CRY1: variants seen among roughly 807,000 people sequenced by gnomAD.
CRY1 encodes cryptochrome circadian regulator 1.
Under a neutral mutation model 76.0 loss-of-function variants are expected in CRY1, and 45 were observed. The ratio of observed to expected loss-of-function variants is 0.59; its 90% CI spans 0.47 to 0.76. The LOEUF (loss-of-function observed/expected upper bound fraction) is 0.76, where lower values mean the gene tolerates loss of function less well. CRY1 is among the 30% of genes least tolerant of loss of function. The probability of loss-of-function intolerance (pLI) is 0.00; values close to 1 mark genes in which losing one functional copy is unlikely to be tolerated. For synonymous variants in CRY1, 248 were observed against 244.0 expected (o/e 1.02, Z -0.15); for missense variants, 587 against 716.4 (o/e 0.82, Z 2.06).
chr12:107,026,160 T>TATATATATATTACATATATATATATAAA (rs1952611711), intron 1 of CRY1, among the ~76,000 whole-genome samples: 6 of 75,864 alleles, frequency 7.9e-5, no homozygotes, highest in East Asian at 1.2e-3. Context: ...ATATATAAAA[T>TATATATATATTACATATATATATATAAA]ATATATATAT....
intron 1 of CRY1, among the ~76,000 whole-genome samples, chr12:107,045,117 AC>A (rs574546300): frequency 2.5e-3 from 385 of 152,294 alleles, no homozygotes; most frequent in African/African-American, 8.6e-3. Context: ...AATTCTAAAA[AC>A]AGCAAGAGAA....
In CRY1 at chr12:107,002,099, C is replaced by A. The variant is rs1952318955; in HGVS notation, c.411-151G>T. 4 of 606,018 alleles carry A rather than the reference C, an allele frequency of 6.6e-6. No individual in the cohort carries two copies. In the South Asian group the frequency reaches 1.0e-4, roughly 15 times the overall value. 37.5% of individuals were successfully genotyped at this position (606,018 alleles called of 1,614,324 possible). A position where few individuals can be genotyped will look rare whatever the true frequency, so the allele number is the denominator to read the frequency against. ...TTGTTATAATGACCAAGAAATGTGT[C>A]CAAAATGATTAATGAGTCCAAAAAT... is the stretch of plus-strand genomic sequence containing the variant. On this transcript the variant is annotated intron_variant, in intron 3 of 12. Coordinates refer to ENST00000008527, the MANE Select transcript of CRY1 (RefSeq NM_004075.5).
intron 1 of CRY1, among the ~76,000 whole-genome samples, chr12:107,036,933 G>A (rs1005699022): frequency 6.6e-6 from 1 of 151,898 alleles, no homozygotes; most frequent in African/African-American, 2.4e-5. Flanking sequence ...TAGCATTCCT[G>A]AGCCCCCTTC....
At chr12:107,085,355 C>A (rs1260155529) in intron 1 of CRY1, among the ~76,000 whole-genome samples, 1 of 152,192 alleles carries the variant, frequency 6.6e-6, no homozygotes, top group African/African-American at 2.4e-5. Flanking sequence ...TATAATGACA[C>A]AGGCACATGT....
chr12:107,057,429 C>T (rs892589202), intron 1 of CRY1, among the ~76,000 whole-genome samples: 5 of 152,164 alleles, frequency 3.3e-5, no homozygotes, highest in Admixed American at 6.6e-5. Context: ...GTAAAACGAG[C>T]GGAATCTAAC....
chr12:107,074,952 T>C (rs941233036), intron 1 of CRY1, among the ~76,000 whole-genome samples: 1 of 151,836 alleles, frequency 6.6e-6, no homozygotes, highest in African/African-American at 2.4e-5. Flanking sequence ...GAGGTGGAGG[T>C]TGCAGTGAGC....
Position 107,000,064 on chromosome 12 carries a change from C to G in CRY1, c.703G>C (p.Glu235Gln). 6.2e-7 allele frequency: 1 copy of G among 1,600,700 alleles called. No homozygotes were observed. The highest frequency in any genetic ancestry group is 8.5e-7 in the Non-Finnish European group (1 of 1,176,332). Reference sequence around the variant, plus strand: ...GAATTCGCATTCATTCGAGGTCTTTCAAAATTTGCCACCCAAGCCTGAAAA... The same window carrying G: ...GAATTCGCATTCATTCGAGGTCTTTGAAAATTTGCCACCCAAGCCTGAAAA... ...LERKAWVANF[E>Q]RPRMNANSLL... The change falls in exon 6 of 13, where the codon GAA becomes CAA. Residue 235 changes from glutamate to glutamine, a missense_variant. Coordinates refer to ENST00000008527, the MANE Select transcript of CRY1 (RefSeq NM_004075.5).
At chr12:107,033,810 A>G (rs750126668) in intron 1 of CRY1, among the ~76,000 whole-genome samples, 4 of 150,352 alleles carry the variant, frequency 2.7e-5, no homozygotes, top group Non-Finnish European at 5.9e-5. Context: ...TTCCTTTAAG[A>G]TCGGAAAGAA....
rs1952566327 is a variant in CRY1, at chr12:107,022,158, T to G, written c.193A>C (p.Asn65His). ...AGACGGGAGTTTAATTTTCGTAGATTGGCATCAAGATCCTCAAGACACTGA... is the reference window on the plus strand; with the variant it reads ...AGACGGGAGTTTAATTTTCGTAGATGGGCATCAAGATCCTCAAGACACTGA... Reference protein sequence around the residue: ...LLQCLEDLDANLRKLNSRLFV... With the variant: ...LLQCLEDLDAHLRKLNSRLFV... Residue 65 changes from asparagine (N) to histidine (H), a missense_variant, in exon 2 of 13, where the codon AAT becomes CAT. Physicochemically the swap from Asn to His is moderately conservative, Grantham distance 68. Coordinates refer to ENST00000008527, the MANE Select transcript of CRY1 (RefSeq NM_004075.5). 1 of 1,602,660 alleles carries G rather than the reference T, an allele frequency of 6.2e-7. No homozygotes were observed. The highest frequency in any genetic ancestry group is 8.5e-7 in the Non-Finnish European group (1 of 1,174,260).
chr12:107,001,638 TC>T (rs1029537508), intron 4 of CRY1, 125 bp downstream of exon 4: 1 of 828,662 alleles, frequency 1.2e-6, no homozygotes, highest in African/African-American at 1.8e-5. Context: ...CTTTTTCTTC[TC>T]CCCCTGCCCT....
chr12:107,023,051 A>C (rs1325730127), intron 1 of CRY1, among the ~76,000 whole-genome samples: 1 of 152,172 alleles, frequency 6.6e-6, no homozygotes, highest in Non-Finnish European at 1.5e-5. Flanking sequence ...CACCCATGGA[A>C]GGTCCAATCT....
chr12:107,035,441 TATG>T (rs1173337998), intron 1 of CRY1, among the ~76,000 whole-genome samples: 2 of 152,168 alleles, frequency 1.3e-5, no homozygotes, highest in East Asian at 1.9e-4. Context: ...AGATGATAAT[TATG>T]ATGATAATGA....
intron 7 of CRY1, 124 bp from the exon 8 acceptor site, chr12:106,998,190 A>G: frequency 9.1e-7 from 1 of 1,103,778 alleles, no homozygotes; most frequent in South Asian, 1.5e-5. Context: ...AAAATTAAAC[A>G]TTCCAAAGTT....
intron 1 of CRY1, among the ~76,000 whole-genome samples, chr12:107,049,093 T>C (rs1952884669): frequency 6.6e-6 from 1 of 152,194 alleles, no homozygotes; most frequent in Non-Finnish European, 1.5e-5. Context: ...CTTTAGTGCT[T>C]GTATAGGATA....
intron 1 of CRY1, among the ~76,000 whole-genome samples, chr12:107,070,666 TTTTATTTATTTATTTATTTATTTA>T (rs376585116): frequency 1.9e-3 from 267 of 139,690 alleles, no homozygotes; most frequent in African/African-American, 6.3e-3. Context: ...ATTCTCTTAT[TTTTATTTATTTATTTATTTATTTA>T]TTTATTTATT....
chr12:107,074,073 A>G (rs1053561788), intron 1 of CRY1, among the ~76,000 whole-genome samples: 1 of 152,100 alleles, frequency 6.6e-6, no homozygotes, highest in African/African-American at 2.4e-5. Context: ...AAAAACCTAC[A>G]TGTCACTCTA....
intron 2 of CRY1, 76 bp from the exon 3 acceptor site, chr12:107,005,324 G>C: frequency 6.9e-7 from 1 of 1,441,466 alleles, no homozygotes; most frequent in South Asian, 1.4e-5. Context: ...AAGTGAAAAA[G>C]CTGAAAATCT....
chr12:107,046,769 C>G (rs1194002493), intron 1 of CRY1, among the ~76,000 whole-genome samples: 1 of 151,882 alleles, frequency 6.6e-6, no homozygotes, highest in Non-Finnish European at 1.5e-5. Context: ...GAATTTAAGT[C>G]AAAAACTAAA....
intron 2 of CRY1, among the ~76,000 whole-genome samples, chr12:107,017,797 A>G (rs573297594): frequency 6.6e-6 from 1 of 152,352 alleles, no homozygotes; most frequent in East Asian, 1.9e-4. Flanking sequence ...GATATACCAC[A>G]ACCCAGATGC....
Sources: allele counts gnomAD v4.1 joint callset (sites outside exome capture counted in the v4.1 genomes callset), GRCh38; gene constraint gnomAD v4.1.1; transcripts MANE v1.5; gene names NCBI Gene and HGNC (gene_info 2026-07-23, HGNC 2026-07-21).